Variants in ZNF91 observed in about 807,000 individuals in gnomAD.
ZNF91 encodes zinc finger protein 91.
In ZNF91, 7 loss-of-function variants were observed where a neutral mutation model predicts 12.6. The ratio of observed to expected loss-of-function variants is 0.55; its 90% CI spans 0.31 to 1.04. The LOEUF (loss-of-function observed/expected upper bound fraction) is 1.04. ZNF91 is among the 50% of genes least tolerant of loss of function. The pLI, the probability that ZNF91 is intolerant of heterozygous loss-of-function variation, is 0.05. For missense variants in ZNF91, 1,217 were observed against 1,385.4 expected, an observed-to-expected ratio of 0.88 and a Z score of 1.93; for synonymous variants, 453 against 462.6, an observed-to-expected ratio of 0.98 and a Z score of 0.27.
At chr19:23,363,760 T>C (rs1405163124) in intron 3 of ZNF91, among the ~76,000 whole-genome samples, 1 of 152,080 alleles carries the variant, frequency 6.6e-6, no homozygotes, top group Non-Finnish European at 1.5e-5. Context: ...TAATACTCAC[T>C]GATTAAAATA....
At chr19:23,388,115 G>A (rs1173672307) in intron 1 of ZNF91, among the ~76,000 whole-genome samples, 5 of 151,780 alleles carry the variant, frequency 3.3e-5, no homozygotes, top group East Asian at 1.9e-4. Flanking sequence ...GCGTGGTGGC[G>A]CACACCTGTA....
intron 3 of ZNF91, among the ~76,000 whole-genome samples, chr19:23,364,524 A>G (rs901545568): frequency 6.6e-6 from 1 of 152,174 alleles, no homozygotes; most frequent in Non-Finnish European, 1.5e-5. Context: ...AATATGTTGC[A>G]TGAAAATTTC....
intron 3 of ZNF91, among the ~76,000 whole-genome samples, chr19:23,345,431 A>G (rs781349898): frequency 5.9e-5 from 9 of 152,198 alleles, no homozygotes; most frequent in Non-Finnish European, 8.8e-5. Context: ...ATTGGACTTT[A>G]CAATTTTAAC....
intron 3 of ZNF91, among the ~76,000 whole-genome samples, chr19:23,305,615 C>G (rs367674): frequency 0.1 from 15,773 of 152,182 alleles, 1,253 homozygotes; most frequent in East Asian, 0.37. Context: ...GCCCAGGTGA[C>G]TCCAGTCAGC....
chr19:23,332,103 T>C (rs1025240493), intron 1 of ZNF91, among the ~76,000 whole-genome samples: 1 of 152,232 alleles, frequency 6.6e-6, no homozygotes, highest in African/African-American at 2.4e-5. Context: ...CCAGGTTTGT[T>C]TGTATTTGCA....
chr19:23,385,290 G>GT, intron 1 of ZNF91: 1 of 484,898 alleles, frequency 2.1e-6, no homozygotes, highest in Non-Finnish European at 3.7e-6. Context: ...AAAAAAATAA[G>GT]TAACAGGATG....
chr19:23,374,560 A>C (rs1303393497), intron 2 of ZNF91, 78 bp downstream of exon 2: 5 of 198,830 alleles, frequency 2.5e-5, no homozygotes, highest in Non-Finnish European at 3.8e-5. Flanking sequence ...ACTCTGTCTC[A>C]AAAAAAAAAA....
At chr19:23,348,187 C>CA (rs993967755) in intron 3 of ZNF91, among the ~76,000 whole-genome samples, 17 of 149,130 alleles carry the variant, frequency 1.1e-4, no homozygotes, top group African/African-American at 3.6e-4. Context: ...CAGTGGTGGA[C>CA]AAAAAAATCT....
Position 23,360,685 on chromosome 19 carries a change from G to C in ZNF91, c.2294C>G (p.Thr765Ser). 2 of 1,613,916 alleles carry C rather than the reference G, an allele frequency of 1.2e-6. No individual in the cohort carries two copies. The highest frequency in any genetic ancestry group is 1.7e-6 in the Non-Finnish European group (2 of 1,179,906). ...TTTACATTTGAAGGGTTTCTCTCTA[G>C]TATGAATTCTTTTATGTTTAGTAAG... Reference protein sequence around the residue: ...SSLTKHKRIHTREKPFKCKEC... With the variant: ...SSLTKHKRIHSREKPFKCKEC... The change falls in exon 4 of 4, where the codon ACT becomes AGT. Residue 765 changes from threonine to serine, a missense_variant. This residue lies in a region of ZNF91 where 726 missense variants were observed against 895.5 expected (regional missense o/e 0.81). Transcript: ENST00000300619.
chr19:23,372,017 A>C (rs1360329745), intron 3 of ZNF91, among the ~76,000 whole-genome samples: 1 of 148,764 alleles, frequency 6.7e-6, no homozygotes, highest in Non-Finnish European at 1.5e-5. Context: ...TTTGAGGAAT[A>C]CATTATGTTA....
intron 3 of ZNF91, among the ~76,000 whole-genome samples, chr19:23,349,128 T>C (rs1373524959): frequency 6.6e-6 from 1 of 152,200 alleles, no homozygotes; most frequent in Non-Finnish European, 1.5e-5. Flanking sequence ...TTGGTAATTC[T>C]AATTTTGCCC....
chr19:23,358,112 C>A lies in ZNF91; in HGVS notation c.*1291G>T, dbSNP rs1413866721. The A allele has an allele frequency of 6.6e-6, 1 of 152,088 alleles. No individual in the cohort carries two copies. Among genetic ancestry groups the A allele is most frequent in the African/African-American group, 2.4e-5 (1 of 41,432 alleles). The allele number at this position is 152,088 out of a possible 1,614,324, so 9.4% of individuals were successfully genotyped here. A position where few individuals can be genotyped will look rare whatever the true frequency, so the allele number is the denominator to read the frequency against. ...ATTTTTACCATCTTTTACCTACACC[C>A]TTGAGTAAGGTGGAATAGGTTAAAG... is the stretch of plus-strand genomic sequence containing the variant. On this transcript the variant is annotated 3_prime_UTR_variant, in exon 4 of 4. Transcript: ENST00000300619.
At chr19:23,381,598 T>C (rs1368476983) in intron 1 of ZNF91, among the ~76,000 whole-genome samples, 2 of 151,958 alleles carry the variant, frequency 1.3e-5, no homozygotes, top group Admixed American at 1.3e-4. Flanking sequence ...AGTAGCTGGA[T>C]TACAGGCGTG....
chr19:23,380,316 G>A (rs1162809981), intron 1 of ZNF91: 2 of 137,088 alleles, frequency 1.5e-5, no homozygotes, highest in East Asian at 4.4e-4. Flanking sequence ...TGAAGCTTGA[G>A]CTGCAGAAGG....
At chr19:23,380,858 T>G (rs371870051) in intron 1 of ZNF91, 1 of 147,926 alleles carries the variant, frequency 6.8e-6, no homozygotes, top group Admixed American at 6.7e-5. Flanking sequence ...ATCTGACAAC[T>G]ACCACCAGCA....
At chr19:23,342,446 C>G (rs1450972824) in intron 3 of ZNF91, among the ~76,000 whole-genome samples, 1 of 152,136 alleles carries the variant, frequency 6.6e-6, no homozygotes, top group Non-Finnish European at 1.5e-5. Context: ...GTCCTTAGCT[C>G]TACTATCCAA....
At chr19:23,314,537 CA>C (rs370618920), upstream of ZNF91, among the ~76,000 whole-genome samples, 30 of 152,314 alleles carry the variant, frequency 2.0e-4, no homozygotes, top group African/African-American at 7.0e-4. Context: ...CGAGTTGTGA[CA>C]TATCACTTGG....
Position 23,361,342 on chromosome 19 carries a change from T to C in ZNF91, c.1637A>G (p.Tyr546Cys), listed in dbSNP as rs372022697. The part of the protein sequence containing the change: ...HKIIHSREKP[Y>C]KCKECGKAFK... ...AGCTTTGCCACATTCTTTACATTTG[T>C]AGGGTTTCTCTCTACTATGAATTAT... Residue 546 changes from tyrosine (Y) to cysteine (C), a missense_variant, in exon 4 of 4, where the codon TAC (tyrosine) becomes TGC (cysteine). Coordinates refer to ENST00000300619, the MANE Select transcript of ZNF91 (RefSeq NM_003430.4). 6.2e-7 allele frequency: 1 copy of C among 1,613,510 alleles called. No homozygotes were observed. Among genetic ancestry groups the C allele is most frequent in the Non-Finnish European group, 8.5e-7 (1 of 1,179,826 alleles).
At chr19:23,353,646 A>AG (rs35998493), downstream of ZNF91, among the ~76,000 whole-genome samples, 44,376 of 152,008 alleles carry the variant, frequency 0.29, 6,833 homozygotes, top group East Asian at 0.39. Flanking sequence ...AAAATACAAA[A>AG]GTAAATGAAA....
Sources: allele counts gnomAD v4.1 joint callset (sites outside exome capture counted in the v4.1 genomes callset), GRCh38; gene constraint gnomAD v4.1.1; regional missense constraint gnomAD v4.1.1; transcripts MANE v1.5; gene names NCBI Gene and HGNC (gene_info 2026-07-23, HGNC 2026-07-21).